DNASE1L2: variants seen among roughly 807,000 people sequenced by gnomAD.
DNASE1L2 encodes deoxyribonuclease 1 like 2, also known as deoxyribonuclease-1-like 2.
DNASE1L2 carries 35 observed loss-of-function variants against 31.8 expected under a neutral mutation model. The observed-to-expected ratio is 1.10, with a 90% CI of 0.84 to 1.46. The LOEUF (loss-of-function observed/expected upper bound fraction) is 1.46. Among genes scored for constraint, DNASE1L2 ranks in the 40% most tolerant of loss-of-function variants. The pLI, the probability that DNASE1L2 is intolerant of heterozygous loss-of-function variation, is 0.00. For synonymous variants in DNASE1L2, 211 were observed against 186.5 expected (o/e 1.13, Z -1.07); for missense variants, 504 against 418.8 (o/e 1.20, Z -1.77).
rs200394725 is a variant in DNASE1L2 at position 2,237,287 on chromosome 16, C to G, written c.303C>G (p.Tyr101Ter). 6.3e-7 allele frequency: 1 copy of G among 1,589,268 alleles called. No individual in the cohort carries two copies. The highest frequency in any genetic ancestry group is 8.6e-7 in the Non-Finnish European group (1 of 1,168,972). Residue 101 changes from tyrosine to a stop codon, truncating the protein, a stop_gained, in exon 4 of 7, where the codon TAC (tyrosine) becomes TAG (stop). Transcript: ENST00000320700. LOFTEE classifies it high-confidence loss of function. Reference sequence around the variant, plus strand: ...GCCGGGACCAGTACAAGGAGATGTACCTGTTCGTGTACAGGTGAGGGGCGG... The same window carrying G: ...GCCGGGACCAGTACAAGGAGATGTAGCTGTTCGTGTACAGGTGAGGGGCGG... ...PLGRDQYKEM[Y>*]LFVYRKDAVS...
intron 1 of DNASE1L2, 55 bp from the exon 2 acceptor site, chr16:2,236,723 G>A: frequency 2.1e-6 from 3 of 1,443,016 alleles, no homozygotes. Context: ...GGCCGTCAAG[G>A]GGCGGCCGCG....
Position 2,236,876 on chromosome 16 carries a change from C to A in DNASE1L2, c.60C>A (p.Ala20=), listed in dbSNP as rs1019563043. Residue 20 remains alanine (A), a synonymous_variant, in exon 2 of 7, where the codon GCC becomes GCA. Coordinates refer to ENST00000320700, the MANE Select transcript of DNASE1L2 (RefSeq NM_001374.3). The stretch of plus-strand genomic sequence containing the variant: ...GGGCGCTGGAAGCCGCCGGGACCGC[C>A]GCGCTTCGCATCGGAGCCTTCAACA... ...ALWALEAAGT[A]ALRIGAFNIQ... is the part of the protein sequence containing the mutation. 1 of 1,597,932 alleles carries A rather than the reference C, an allele frequency of 6.3e-7. No individual in the cohort carries two copies. The highest frequency in any genetic ancestry group is 8.5e-7 in the Non-Finnish European group (1 of 1,173,142).
Position 2,238,424 on chromosome 16 carries a change from G to A in DNASE1L2, c.*6G>A. 1 of 1,613,374 alleles carries A rather than the reference G, an allele frequency of 6.2e-7. No individual in the cohort carries two copies. ...CCCTCAAGTTCCACCGATGACTCGA[G>A]GCCTGGCTGGGGCATGCCACCTGCA... On this transcript the variant is annotated 3_prime_UTR_variant, in exon 7 of 7. Coordinates refer to ENST00000320700, the MANE Select transcript of DNASE1L2 (RefSeq NM_001374.3).
Position 2,237,356 on chromosome 16 carries a change from G to T in DNASE1L2, c.318-20G>T, listed in dbSNP as rs1302862438. On this transcript the variant is annotated intron_variant, in intron 4 of 6. Coordinates refer to ENST00000320700, the MANE Select transcript of DNASE1L2 (RefSeq NM_001374.3). ...CGGGGCCGCAGGTCGGGGGCTCAGC[G>T]GGTCCTCCCCATCTCCTAGGAAAGA... 2.1e-5 allele frequency: 33 copies of T among 1,599,348 alleles called. No individual in the cohort carries two copies. The Admixed American group carries it at 5.6e-4, about 27-fold the overall frequency.
Position 2,237,747 on chromosome 16 carries a change from C to T in DNASE1L2, c.592-20C>T. The T allele has an allele frequency of 6.3e-7, 1 of 1,596,568 alleles. No homozygotes were observed. The highest frequency in any genetic ancestry group is 8.5e-7 in the Non-Finnish European group (1 of 1,171,126). ...GACGGCTCCTGCGGCGGCTCAGACA[C>T]GGCTCCGCGGCGCCCGCAGGACATG... On this transcript the variant is annotated intron_variant, in intron 5 of 6. Coordinates refer to ENST00000320700, the MANE Select transcript of DNASE1L2 (RefSeq NM_001374.3).
At position 2,237,439 on chromosome 16, in the gene DNASE1L2, C is replaced by T; in HGVS notation, c.381C>T (p.Arg127=). The T allele has an allele frequency of 6.3e-7, 1 of 1,592,386 alleles. No homozygotes were observed. Among genetic ancestry groups the T allele is most frequent in the Non-Finnish European group, 8.5e-7 (1 of 1,172,454 alleles). The change falls in exon 5 of 7, where the codon CGC becomes CGT. Residue 127 remains arginine, a synonymous_variant. Transcript: ENST00000320700. ...CAGACCCCGAGGACGTCTTCAGCCG[C>T]GAGCCCTTCGTGGTCAAGTTCTCGG... ...LYPDPEDVFS[R]EPFVVKFSAP...
At position 2,236,790 on chromosome 16, in the gene DNASE1L2, G is replaced by A. The variant is rs1391739091; in HGVS notation, c.-27G>A. On this transcript the variant is annotated 5_prime_UTR_variant, in exon 2 of 7. Coordinates refer to ENST00000320700, the MANE Select transcript of DNASE1L2 (RefSeq NM_001374.3). ...CGGGTCTGCGTAGGCGGCAGCGTCT[G>A]TCCCTCCCAGCCTCTCGCTCCGCGC... The A allele has an allele frequency of 1.3e-6, 2 of 1,573,558 alleles. No individual in the cohort carries two copies. The highest frequency in any genetic ancestry group is 1.7e-6 in the Non-Finnish European group (2 of 1,164,122).
Position 2,238,033 on chromosome 16 carries a change from G to C in DNASE1L2, c.843+15G>C, listed in dbSNP as rs1451185794. On this transcript the variant is annotated intron_variant, in intron 6 of 6. Transcript: ENST00000320700. ...ACCAGACTCAGGCGAGTGGGCCGTG[G>C]GGCGGTGCTGGTCTTGGGTCCCCAC... 6.3e-7 allele frequency: 1 copy of C among 1,581,604 alleles called. No individual in the cohort carries two copies. Among genetic ancestry groups the C allele is most frequent in the South Asian group, 1.1e-5 (1 of 87,778 alleles).
Position 2,237,813 on chromosome 16 carries a change from G to C in DNASE1L2, c.638G>C (p.Arg213Pro), listed in dbSNP as rs750737704. The change falls in exon 6 of 7, where the codon CGG becomes CCG. Residue 213 changes from arginine (R) to proline (P), a missense_variant. Arg to Pro is a moderately radical substitution (Grantham distance 103). Coordinates refer to ENST00000320700, the MANE Select transcript of DNASE1L2 (RefSeq NM_001374.3). ...TTCAACGCCGACTGCAGCTATGTGC[G>C]GGCGCAGGACTGGGCCGCCATCCGT... ...GDFNADCSYV[R>P]AQDWAAIRLR... is the part of the protein sequence containing the mutation. 13 of 1,610,532 alleles carry C rather than the reference G, an allele frequency of 8.1e-6. No individual in the cohort carries two copies. Among genetic ancestry groups the C allele is most frequent in the African/African-American group, 2.7e-5 (2 of 74,846 alleles).
chr16:2,237,251 C>T lies in DNASE1L2; in HGVS notation c.267C>T (p.Ser89=), dbSNP rs757835271. The stretch of plus-strand genomic sequence containing the variant: ...AGCACGAGTACAGCTTTGTGAGCAG[C>T]CAGCCCCTGGGCCGGGACCAGTACA... ...VSEHEYSFVS[S]QPLGRDQYKE... The change falls in exon 4 of 7, where the codon AGC becomes AGT. Residue 89 remains serine (S), a synonymous_variant. Transcript: ENST00000320700. The T allele has an allele frequency of 2.5e-6, 4 of 1,585,768 alleles. No individual in the cohort carries two copies. The African/African-American group carries it at 4.0e-5, about 16-fold the overall frequency.
In DNASE1L2 at chr16:2,238,472, C is replaced by T; in HGVS notation, c.*54C>T. On this transcript the variant is annotated 3_prime_UTR_variant, in exon 7 of 7. Transcript: ENST00000320700. Reference sequence around the variant, plus strand: ...GCAGACCCTGGCTCTGAGGAATGGCCCAACAGTGGCCCCTTCAGGGTGGCA... The same window carrying T: ...GCAGACCCTGGCTCTGAGGAATGGCTCAACAGTGGCCCCTTCAGGGTGGCA... 3 of 1,607,306 alleles carry T rather than the reference C, an allele frequency of 1.9e-6. No homozygotes were observed. Among genetic ancestry groups the T allele is most frequent in the African/African-American group, 2.7e-5 (2 of 74,896 alleles).
chr16:2,238,588 C>T lies in DNASE1L2; in HGVS notation c.*170C>T, dbSNP rs7199539. On this transcript the variant is annotated 3_prime_UTR_variant, in exon 7 of 7. Transcript: ENST00000320700. ...ATGTGCTGCTCTGTACCTCCGTTCC[C>T]CATCTGTGGGACGGGCTGCATCCAG... 19 of 776,526 alleles carry T rather than the reference C, an allele frequency of 2.4e-5. No individual in the cohort carries two copies. In the African/African-American group the frequency reaches 3.3e-4, roughly 13 times the overall value. The allele number at this position is 776,526 out of a possible 1,614,324, so 48.1% of individuals were successfully genotyped here.
Position 2,238,547 on chromosome 16 carries a change from G to T in DNASE1L2, c.*129G>T. 1 of 1,131,834 alleles carries T rather than the reference G, an allele frequency of 8.8e-7. No homozygotes were observed. The highest frequency in any genetic ancestry group is 1.3e-6 in the Non-Finnish European group (1 of 764,892). 70.1% of individuals were successfully genotyped at this position (1,131,834 alleles called of 1,614,324 possible). On this transcript the variant is annotated 3_prime_UTR_variant, in exon 7 of 7. Transcript: ENST00000320700. Reference sequence around the variant, plus strand: ...GCAGAGTCGGCTGGGCGTGGACCAGGGGCCATGGACACGTGATGTGCTGCT... The same window carrying T: ...GCAGAGTCGGCTGGGCGTGGACCAGTGGCCATGGACACGTGATGTGCTGCT...
Position 2,237,748 on chromosome 16 carries a change from G to C in DNASE1L2, c.592-19G>C, listed in dbSNP as rs746243691. Reference sequence around the variant, plus strand: ...ACGGCTCCTGCGGCGGCTCAGACACGGCTCCGCGGCGCCCGCAGGACATGC... The same window carrying C: ...ACGGCTCCTGCGGCGGCTCAGACACCGCTCCGCGGCGCCCGCAGGACATGC... On this transcript the variant is annotated intron_variant, in intron 5 of 6. Coordinates refer to ENST00000320700, the MANE Select transcript of DNASE1L2 (RefSeq NM_001374.3). The C allele has an allele frequency of 8.1e-6, 13 of 1,597,036 alleles. No homozygotes were observed. The highest frequency in any genetic ancestry group is 1.1e-5 in the South Asian group (1 of 89,920).
chr16:2,238,372 TCAGCGACCACTTTCCA>T lies in DNASE1L2; in HGVS notation c.855_870del (p.Ile285MetfsTer4). The T allele has an allele frequency of 6.2e-7, 1 of 1,613,430 alleles. No homozygotes were observed. Among genetic ancestry groups the T allele is most frequent in the Non-Finnish European group, 8.5e-7 (1 of 1,179,988 alleles). Reference sequence around the variant, plus strand: ...ACTCTGTCCCCACAGGCTCTTGCCATCAGCGACCACTTTCCAGTGGAGGTGACCCTCAAGTTCCACC... The same window carrying T: ...ACTCTGTCCCCACAGGCTCTTGCCATGTGGAGGTGACCCTCAAGTTCCACC... On this transcript the variant is annotated frameshift_variant, in exon 7 of 7. Coordinates refer to ENST00000320700, the MANE Select transcript of DNASE1L2 (RefSeq NM_001374.3). LOFTEE classifies it high-confidence loss of function.
In DNASE1L2 at chr16:2,237,865, G is replaced by C. The variant is rs761890431; in HGVS notation, c.690G>C (p.Trp230Cys). 6.2e-7 allele frequency: 1 copy of C among 1,612,680 alleles called. No homozygotes were observed. The highest frequency in any genetic ancestry group is 1.1e-5 in the South Asian group (1 of 91,082). ...TGAGGAGCAGTGAGGTCTTCAAGTG[G>C]CTCATCCCTGACAGCGCCGACACCA... ...IRLRSSEVFK[W>C]LIPDSADTTV... is the part of the protein sequence containing the mutation. Residue 230 changes from tryptophan (W) to cysteine (C), a missense_variant, in exon 6 of 7, where the codon TGG becomes TGC. Coordinates refer to ENST00000320700, the MANE Select transcript of DNASE1L2 (RefSeq NM_001374.3).
rs2093512894 is a variant in DNASE1L2 at position 2,236,968 on chromosome 16, C to T, written c.144+8C>T. 2 of 1,553,872 alleles carry T rather than the reference C, an allele frequency of 1.3e-6. No homozygotes were observed. Among genetic ancestry groups the T allele is most frequent in the African/African-American group, 1.4e-5 (1 of 73,570 alleles). On this transcript the variant is annotated splice_region_variant and intron_variant, in intron 2 of 6. Coordinates refer to ENST00000320700, the MANE Select transcript of DNASE1L2 (RefSeq NM_001374.3). ...GGCAGCATCATCGCGAAGGTGGGGC[C>T]CGGGCCGGGGCGGGGCGGCGTTTAG...
At position 2,237,657 on chromosome 16, in the gene DNASE1L2, C is replaced by T. The variant is rs779301033; in HGVS notation, c.591+8C>T. The T allele has an allele frequency of 1.4e-5, 22 of 1,594,204 alleles. No individual in the cohort carries two copies. Among genetic ancestry groups the T allele is most frequent in the Non-Finnish European group, 1.8e-5 (21 of 1,167,556 alleles). On this transcript the variant is annotated splice_region_variant and intron_variant, in intron 5 of 6. Transcript: ENST00000320700. ...GACAAGTGGGGCACCGACGTAAGCC[C>T]ACCCCTCGGTCCCGGGGTCCCTGCA... is the stretch of plus-strand genomic sequence containing the variant.
At position 2,237,637 on chromosome 16, in the gene DNASE1L2, G is replaced by C. The variant is rs1198195483; in HGVS notation, c.579G>C (p.Lys193Asn). The C allele has an allele frequency of 6.2e-7, 1 of 1,603,174 alleles. No homozygotes were observed. Among genetic ancestry groups the C allele is most frequent in the East Asian group, 2.2e-5 (1 of 44,598 alleles). Reference protein sequence around the residue: ...LYDVYLDVIDKWGTDDMLFLG... With the variant: ...LYDVYLDVIDNWGTDDMLFLG... ...ACGTGTACCTGGACGTGATCGACAA[G>C]TGGGGCACCGACGTAAGCCCACCCC... The change falls in exon 5 of 7, where the codon AAG (lysine) becomes AAC (asparagine). Residue 193 changes from lysine (K) to asparagine (N), a missense_variant. Physicochemically the swap from Lys to Asn is moderately conservative, Grantham distance 94 (BLOSUM62 0). Transcript: ENST00000320700.
Sources: allele counts gnomAD v4.1 joint callset, GRCh38; gene constraint gnomAD v4.1.1; transcripts MANE v1.5; gene names NCBI Gene and HGNC (gene_info 2026-07-23, HGNC 2026-07-21).